The following MTUS2 variants were observed in gnomAD, a reference collection of about 807,000 sequenced individuals.
MTUS2 encodes the protein microtubule associated scaffold protein 2.
Under a neutral mutation model 114.1 loss-of-function variants are expected in MTUS2, and 40 were observed. That is an observed-to-expected ratio of 0.35 (90% confidence interval 0.27 to 0.46). The LOEUF (loss-of-function observed/expected upper bound fraction) is 0.46. Ranked by LOEUF, MTUS2 falls within the 20% of genes least tolerant of loss-of-function variation. MTUS2 has a pLI of 1.00. For synonymous variants in MTUS2, 688 were observed against 672.0 expected (o/e 1.02, Z -0.37); for missense variants, 1,679 against 1,705.4 (o/e 0.98, Z 0.27).
At chr13:29,029,970 A>C (rs1886741763) in intron 3 of MTUS2, among the ~76,000 whole-genome samples, 1 of 152,240 alleles carries the variant, frequency 6.6e-6, no homozygotes, top group African/African-American at 2.4e-5. Flanking sequence ...CAGACAAGCC[A>C]ACCATATCCA....
intron 5 of MTUS2, among the ~76,000 whole-genome samples, chr13:29,150,025 TAAA>T (rs1241407092): frequency 6.6e-6 from 1 of 152,194 alleles, no homozygotes; most frequent in African/African-American, 2.4e-5. Context: ...ATATTAATTT[TAAA>T]ATAGTTTTTT....
chr13:29,402,562 G>A (rs1007289823), intron 8 of MTUS2, among the ~76,000 whole-genome samples: 1 of 152,114 alleles, frequency 6.6e-6, no homozygotes. Flanking sequence ...GAGTTGCAGG[G>A]GTGGGAAGCA....
intron 2 of MTUS2, among the ~76,000 whole-genome samples, chr13:29,009,369 A>C (rs1344013276): frequency 6.6e-6 from 1 of 151,934 alleles, no homozygotes; most frequent in African/African-American, 2.4e-5. Flanking sequence ...AACTATAATA[A>C]ATATATCCAA....
intron 5 of MTUS2, among the ~76,000 whole-genome samples, chr13:29,137,441 T>C (rs1277100337): frequency 6.6e-6 from 1 of 152,150 alleles, no homozygotes; most frequent in African/African-American, 2.4e-5. Flanking sequence ...ATATTCTCTC[T>C]ACCTTTTTCC....
chr13:29,210,601 C>T (rs376909921), intron 5 of MTUS2, among the ~76,000 whole-genome samples: 1 of 152,134 alleles, frequency 6.6e-6, no homozygotes, highest in African/African-American at 2.4e-5. Context: ...TGTTCAGATT[C>T]GTTTGTCCCA....
At position 29,378,226 on chromosome 13, in the gene MTUS2, CA is replaced by C. The variant is rs529260789; in HGVS notation, c.3117+18759del. ...GTGTTTACATTTATAGCCCTATACA[CA>C]AAAAAGTCAATTGCACACAAAGCAC... On this transcript the variant is annotated intron_variant, in intron 8 of 15. Transcript: ENST00000612955. Among the ~76,000 whole-genome samples, 20 of 151,634 alleles carry C rather than the reference CA, an allele frequency of 1.3e-4. No homozygotes were observed. The South Asian group carries it at 3.7e-3, about 28-fold the overall frequency.
chr13:29,425,876 C>T (rs564361988), intron 8 of MTUS2, among the ~76,000 whole-genome samples: 2 of 141,650 alleles, frequency 1.4e-5, no homozygotes, highest in East Asian at 2.1e-4. Flanking sequence ...CCTCCAGTCT[C>T]GTGCTAATCT....
intron 5 of MTUS2, among the ~76,000 whole-genome samples, chr13:29,195,225 C>A: frequency 7.0e-6 from 1 of 142,914 alleles, no homozygotes; most frequent in East Asian, 2.1e-4. Context: ...CACATGTACC[C>A]TAAAACTTAA....
At chr13:29,150,933 T>C (rs1253770975) in intron 5 of MTUS2, among the ~76,000 whole-genome samples, 1 of 152,200 alleles carries the variant, frequency 6.6e-6, no homozygotes, top group Non-Finnish European at 1.5e-5. Context: ...ATCATGCTGT[T>C]TTGGTTACTA....
At chr13:29,450,738 G>A (rs1479228489) in intron 9 of MTUS2, among the ~76,000 whole-genome samples, 1 of 151,788 alleles carries the variant, frequency 6.6e-6, no homozygotes, top group Non-Finnish European at 1.5e-5. Flanking sequence ...ACAGTGAAAG[G>A]ATGAAAAAAA....
At chr13:29,031,272 T>TGTGTGTGTGTGTGTGTG (rs1593400903) in intron 3 of MTUS2, among the ~76,000 whole-genome samples, 6 of 134,212 alleles carry the variant, frequency 4.5e-5, no homozygotes, top group Admixed American at 1.5e-4. Flanking sequence ...GTGTGTGTGG[T>TGTGTGTGTGTGTGTGTG]GTGTGTTCAC....
At chr13:29,235,137 C>A (rs932519810) in intron 5 of MTUS2, among the ~76,000 whole-genome samples, 3 of 151,976 alleles carry the variant, frequency 2.0e-5, no homozygotes, top group Non-Finnish European at 2.9e-5. Flanking sequence ...GCTCTTGTTG[C>A]CCAGGCTGGA....
chr13:28,875,775 G>A (rs1033881854), intron 2 of MTUS2, among the ~76,000 whole-genome samples: 2 of 152,162 alleles, frequency 1.3e-5, no homozygotes, highest in Non-Finnish European at 2.9e-5. Flanking sequence ...TGATGTTAAG[G>A]ATATATGGGT....
intron 9 of MTUS2, among the ~76,000 whole-genome samples, chr13:29,475,352 G>T (rs1180312319): frequency 3.9e-5 from 6 of 152,158 alleles, no homozygotes; most frequent in Non-Finnish European, 8.8e-5. Flanking sequence ...AAATGACTTT[G>T]TTACTGGTTT....
At chr13:29,175,031 A>G (rs1166437327) in intron 5 of MTUS2, among the ~76,000 whole-genome samples, 1 of 152,202 alleles carries the variant, frequency 6.6e-6, no homozygotes, top group Non-Finnish European at 1.5e-5. Context: ...GCTTGAATCT[A>G]AGGGGAATAT....
chr13:29,376,177 C>T (rs189337034), intron 8 of MTUS2, among the ~76,000 whole-genome samples: 6 of 152,008 alleles, frequency 3.9e-5, no homozygotes, highest in African/African-American at 1.4e-4. Context: ...TCTTCTTTCC[C>T]TATTGAGTTC....
intron 8 of MTUS2, among the ~76,000 whole-genome samples, chr13:29,390,965 T>G (rs955274796): frequency 5.9e-5 from 9 of 152,060 alleles, no homozygotes; most frequent in Non-Finnish European, 1.3e-4. Flanking sequence ...GTATTTTTAG[T>G]AGAGACGGGG....
chr13:29,179,560 G>A (rs1313203292), intron 5 of MTUS2, among the ~76,000 whole-genome samples: 1 of 152,146 alleles, frequency 6.6e-6, no homozygotes, highest in African/African-American at 2.4e-5. Flanking sequence ...CCAACTAAAT[G>A]TTAGACAATG....
At chr13:29,099,524 T>C (rs1034096144) in intron 4 of MTUS2, among the ~76,000 whole-genome samples, 1 of 152,156 alleles carries the variant, frequency 6.6e-6, no homozygotes, top group East Asian at 1.9e-4. Context: ...TTCCCACACA[T>C]AGATGCTTTC....
Sources: gnomAD v4.1 joint callset for allele counts (sites outside exome capture counted in the v4.1 genomes callset) on GRCh38, gnomAD v4.1.1 for gene constraint, MANE v1.5 for transcripts, NCBI Gene and HGNC (gene_info 2026-07-23, HGNC 2026-07-21) for gene names.